Variants in NFIA observed in about 807,000 individuals in gnomAD.
The protein encoded by NFIA is nuclear factor I A.
Under a neutral mutation model 62.8 loss-of-function variants are expected in NFIA, and 8 were observed. The ratio of observed to expected loss-of-function variants is 0.13; its 90% CI spans 0.07 to 0.23. The LOEUF (loss-of-function observed/expected upper bound fraction) is 0.23. NFIA is among the 10% of genes least tolerant of loss of function. The probability of loss-of-function intolerance (pLI) is 1.00; values close to 1 mark genes in which losing one functional copy is unlikely to be tolerated. For synonymous variants in NFIA, 235 were observed against 238.1 expected (o/e 0.99, Z 0.12); for missense variants, 410 against 642.1 (o/e 0.64, Z 3.91).
intron 2 of NFIA, among the ~76,000 whole-genome samples, chr1:61,206,755 A>G (rs189602342): frequency 7.4e-4 from 112 of 152,270 alleles, no homozygotes; most frequent in African/African-American, 2.5e-3. Context: ...ATTATCTTAG[A>G]GCTGTTCTTT....
intron 2 of NFIA, among the ~76,000 whole-genome samples, chr1:61,155,527 G>A (rs11207698): frequency 9.2e-5 from 14 of 151,518 alleles, no homozygotes; most frequent in Non-Finnish European, 5.9e-5. Context: ...CAAAAAATTA[G>A]CCGGGCGCGG....
intron 10 of NFIA, among the ~76,000 whole-genome samples, chr1:61,428,848 T>C (rs1313857393): frequency 6.6e-6 from 1 of 152,166 alleles, no homozygotes; most frequent in East Asian, 1.9e-4. Flanking sequence ...AAGCATGACA[T>C]TTATATTAAT....
intron 2 of NFIA, among the ~76,000 whole-genome samples, chr1:61,128,266 T>C (rs1039136346): frequency 6.6e-6 from 1 of 151,874 alleles, no homozygotes; most frequent in Non-Finnish European, 1.5e-5. Flanking sequence ...ATTTAATAAA[T>C]TGTAAGGAGG....
intron 2 of NFIA, among the ~76,000 whole-genome samples, chr1:61,244,416 TC>T (rs1330069140): frequency 1.3e-5 from 2 of 152,156 alleles, no homozygotes; most frequent in African/African-American, 2.4e-5. Flanking sequence ...TAGGCTTTCC[TC>T]CCCACATTGT....
intron 2 of NFIA, among the ~76,000 whole-genome samples, chr1:61,173,552 C>G (rs185640365): frequency 6.6e-6 from 1 of 152,000 alleles, no homozygotes; most frequent in African/African-American, 2.4e-5. Context: ...CTATGCCCTG[C>G]TAATTTTTTT....
At chr1:61,222,917 C>CAA (rs1654108017) in intron 2 of NFIA, among the ~76,000 whole-genome samples, 1 of 151,892 alleles carries the variant, frequency 6.6e-6, no homozygotes. Context: ...TGAGGCTATA[C>CAA]AAATGTTTTT....
At chr1:61,138,022 T>C (rs1040014970) in intron 2 of NFIA, among the ~76,000 whole-genome samples, 1 of 152,078 alleles carries the variant, frequency 6.6e-6, no homozygotes, top group Non-Finnish European at 1.5e-5. Context: ...ATGGTAACTT[T>C]TCCCTTCAGA....
intron 2 of NFIA, among the ~76,000 whole-genome samples, chr1:61,091,342 CTT>C (rs58806413): frequency 6.8e-6 from 1 of 147,260 alleles, no homozygotes; most frequent in South Asian, 2.1e-4. Flanking sequence ...CAGAATCAAT[CTT>C]TTTTTTTTTA....
chr1:61,424,566 C>T (rs900659163), intron 9 of NFIA, among the ~76,000 whole-genome samples: 22 of 152,116 alleles, frequency 1.4e-4, no homozygotes, highest in African/African-American at 5.1e-4. Context: ...CCCTTCATTC[C>T]TTTTTGTTCC....
At chr1:61,175,240 C>T (rs1195428709) in intron 2 of NFIA, among the ~76,000 whole-genome samples, 1 of 152,070 alleles carries the variant, frequency 6.6e-6, no homozygotes, top group Non-Finnish European at 1.5e-5. Context: ...CTCCCAGGCT[C>T]AAGTGATTCT....
At chr1:61,445,282 A>G (rs767671859) in intron 10 of NFIA, among the ~76,000 whole-genome samples, 7 of 152,152 alleles carry the variant, frequency 4.6e-5, no homozygotes, top group African/African-American at 1.2e-4. Flanking sequence ...GAGACTGTCA[A>G]TGCTATAGGA....
intron 2 of NFIA, among the ~76,000 whole-genome samples, chr1:61,227,960 A>G (rs17121835): frequency 0.064 from 9,761 of 152,128 alleles, 359 homozygotes; most frequent in Non-Finnish European, 0.072. Flanking sequence ...TTCTATCACT[A>G]TTGTGGTCTG....
At chr1:61,319,788 TAAACACACACAC>T (rs1215217357) in intron 3 of NFIA, among the ~76,000 whole-genome samples, 19 of 78,816 alleles carry the variant, frequency 2.4e-4, no homozygotes, top group African/African-American at 1.2e-3. Flanking sequence ...CTGGAAGAAT[TAAACACACACAC>T]ACACACACAC....
chr1:61,406,412 T>C (rs950724355), intron 8 of NFIA, 150 bp from the exon 9 acceptor site: 26 of 705,476 alleles, frequency 3.7e-5, no homozygotes, highest in Non-Finnish European at 5.6e-5. Flanking sequence ...CATTTCCGTA[T>C]GGGCTTATGG....
At chr1:61,416,752 T>C (rs1272101318) in intron 9 of NFIA, among the ~76,000 whole-genome samples, 4 of 152,220 alleles carry the variant, frequency 2.6e-5, no homozygotes, top group South Asian at 2.1e-4. Flanking sequence ...ATCTGCACAA[T>C]TGGAATTATT....
intron 2 of NFIA, among the ~76,000 whole-genome samples, chr1:61,113,747 A>G (rs953212308): frequency 3.3e-5 from 1 of 29,940 alleles, no homozygotes; most frequent in South Asian, 1.2e-3. Context: ...AGCAGAGGCC[A>G]TGGTGGAGAG....
At chr1:61,290,551 A>G (rs1210029616) in intron 3 of NFIA, among the ~76,000 whole-genome samples, 1 of 152,192 alleles carries the variant, frequency 6.6e-6, no homozygotes, top group Non-Finnish European at 1.5e-5. Flanking sequence ...AAAATTACAA[A>G]TGCTACCCAC....
intron 6 of NFIA, among the ~76,000 whole-genome samples, chr1:61,362,756 T>TG (rs1254153312): frequency 1.3e-5 from 2 of 152,250 alleles, no homozygotes; most frequent in Non-Finnish European, 2.9e-5. Flanking sequence ...CTTACAATGC[T>TG]GCATTTGTCT....
At chr1:61,400,533 G>A (rs374979508) in intron 7 of NFIA, among the ~76,000 whole-genome samples, 110 of 152,272 alleles carry the variant, frequency 7.2e-4, no homozygotes, top group African/African-American at 2.4e-3. Context: ...GCAATAAACT[G>A]TAACCACTTG....
Sources: allele counts gnomAD v4.1 joint callset (sites outside exome capture counted in the v4.1 genomes callset), GRCh38; gene constraint gnomAD v4.1.1; transcripts MANE v1.5; gene names NCBI Gene and HGNC (gene_info 2026-07-23, HGNC 2026-07-21).